Variants in GRIA1 observed in about 807,000 individuals in gnomAD.
The protein encoded by GRIA1 is glutamate receptor 1.
Under a neutral mutation model 99.2 loss-of-function variants are expected in GRIA1, and 31 were observed. That is an observed-to-expected ratio of 0.31 (90% CI 0.23 to 0.42). The LOEUF is 0.42. Ranked by LOEUF, GRIA1 falls within the 10% of genes least tolerant of loss-of-function variation. The pLI, the probability that GRIA1 is intolerant of heterozygous loss-of-function variation, is 1.00. For missense variants in GRIA1, 782 were observed against 1,157.5 expected, an observed-to-expected ratio of 0.68 and a Z score of 4.71; for synonymous variants, 438 against 432.4, an observed-to-expected ratio of 1.01 and a Z score of -0.16.
intron 2 of GRIA1, among the ~76,000 whole-genome samples, chr5:153,603,512 C>T (rs1230536563): frequency 6.7e-6 from 1 of 149,784 alleles, no homozygotes; most frequent in Non-Finnish European, 1.5e-5. Flanking sequence ...TGCCCTAAAA[C>T]TTAAAGTATA....
chr5:153,541,553 G>A (rs954417703), intron 2 of GRIA1, among the ~76,000 whole-genome samples: 7 of 152,144 alleles, frequency 4.6e-5, no homozygotes, highest in South Asian at 2.1e-4. Flanking sequence ...AATTCCCTCA[G>A]TATACCTAGC....
At chr5:153,606,033 G>T (rs1765407490) in intron 2 of GRIA1, among the ~76,000 whole-genome samples, 1 of 152,006 alleles carries the variant, frequency 6.6e-6, no homozygotes, top group Admixed American at 6.6e-5. Context: ...CTGAGATCAG[G>T]AATATATTCT....
rs188372346 is a variant in GRIA1, at chr5:153,800,791, A to T, written c.2386-1565A>T. Among the ~76,000 whole-genome samples, 680 of 152,364 alleles carry T rather than the reference A, an allele frequency of 4.5e-3. 1 individual carries two copies. Among genetic ancestry groups the T allele is most frequent in the South Asian group, 0.011 (54 of 4,834 alleles). ...GCAGAGGCCACTGACTTATTGGTCA[A>T]TAAGCGATTCCTTTCCATATGCCCC... On this transcript the variant is annotated intron_variant, in intron 14 of 15. Coordinates refer to ENST00000285900, the MANE Select transcript of GRIA1 (RefSeq NM_000827.4).
chr5:153,622,799 A>C (rs1347341615), intron 2 of GRIA1, among the ~76,000 whole-genome samples: 1 of 152,210 alleles, frequency 6.6e-6, no homozygotes, highest in Non-Finnish European at 1.5e-5. Flanking sequence ...ACAGTGAACA[A>C]GAAAAAAATC....
chr5:153,659,379 C>G (rs1323232104), intron 5 of GRIA1, among the ~76,000 whole-genome samples: 3 of 152,132 alleles, frequency 2.0e-5, no homozygotes, highest in Admixed American at 2.0e-4. Flanking sequence ...AATTGGAAAG[C>G]TATGCCACTA....
chr5:153,654,479 G>T (rs1438517072), intron 4 of GRIA1, among the ~76,000 whole-genome samples: 1 of 152,014 alleles, frequency 6.6e-6, no homozygotes, highest in Non-Finnish European at 1.5e-5. Flanking sequence ...TTGTTGAAAA[G>T]GCAGCAAACC....
intron 14 of GRIA1, among the ~76,000 whole-genome samples, chr5:153,795,768 C>T (rs1561867291): frequency 6.6e-6 from 1 of 152,116 alleles, no homozygotes; most frequent in African/African-American, 2.4e-5. Flanking sequence ...CCAGTGTTTC[C>T]CAACCCCATG....
chr5:153,695,544 A>G (rs4530817), intron 8 of GRIA1, among the ~76,000 whole-genome samples: 55,626 of 152,064 alleles, frequency 0.37, 10,725 homozygotes, highest in South Asian at 0.45. Flanking sequence ...TTGCAAAAGC[A>G]AGGGAACTGA....
intron 8 of GRIA1, among the ~76,000 whole-genome samples, chr5:153,693,614 A>C (rs1757910826): frequency 2.0e-5 from 3 of 152,218 alleles, no homozygotes; most frequent in Non-Finnish European, 4.4e-5. Context: ...TCTGTCATCT[A>C]GATTCATTTT....
intron 2 of GRIA1, among the ~76,000 whole-genome samples, chr5:153,597,882 T>A (rs1764562404): frequency 6.6e-6 from 1 of 150,668 alleles, no homozygotes; most frequent in African/African-American, 2.4e-5. Flanking sequence ...TGCTGTGGCA[T>A]GTACCTGTAG....
intron 2 of GRIA1, among the ~76,000 whole-genome samples, chr5:153,554,554 C>T (rs1478050052): frequency 3.3e-5 from 5 of 152,246 alleles, no homozygotes; most frequent in African/African-American, 1.2e-4. Flanking sequence ...AATGCAGTGG[C>T]GTGATCTTGG....
At chr5:153,686,075 C>G in intron 7 of GRIA1, 150 bp from the exon 8 acceptor site, 1 of 650,550 alleles carries the variant, frequency 1.5e-6, no homozygotes. Context: ...TTGCCTGTGG[C>G]AAGGGAGTGA....
At chr5:153,601,683 T>C (rs982143651) in intron 2 of GRIA1, among the ~76,000 whole-genome samples, 4 of 152,242 alleles carry the variant, frequency 2.6e-5, no homozygotes, top group African/African-American at 9.6e-5. Flanking sequence ...GAGCCTGAAA[T>C]GTGAGATGGG....
chr5:153,736,387 C>T (rs1159867608), intron 11 of GRIA1, among the ~76,000 whole-genome samples: 1 of 152,156 alleles, frequency 6.6e-6, no homozygotes. Flanking sequence ...AGAGAAGAAG[C>T]ATTAACCAAC....
At chr5:153,763,689 GT>G (rs1223225089) in intron 11 of GRIA1, among the ~76,000 whole-genome samples, 1 of 152,196 alleles carries the variant, frequency 6.6e-6, no homozygotes, top group Non-Finnish European at 1.5e-5. Flanking sequence ...CTCTCGGCTG[GT>G]TATGTTTCTC....
intron 5 of GRIA1, among the ~76,000 whole-genome samples, chr5:153,664,092 C>G (rs1212542958): frequency 6.6e-6 from 1 of 152,216 alleles, no homozygotes; most frequent in Non-Finnish European, 1.5e-5. Context: ...AGCTATGTAA[C>G]TAGAAGAGTC....
At chr5:153,702,817 C>T (rs1335566203) in intron 10 of GRIA1, among the ~76,000 whole-genome samples, 1 of 152,236 alleles carries the variant, frequency 6.6e-6, no homozygotes, top group Non-Finnish European at 1.5e-5. Flanking sequence ...TGACTGCTCA[C>T]ATTTCACAGT....
At chr5:153,700,276 T>C (rs181281133) in intron 10 of GRIA1, among the ~76,000 whole-genome samples, 2 of 152,250 alleles carry the variant, frequency 1.3e-5, no homozygotes, top group Non-Finnish European at 2.9e-5. Context: ...TCCCAGCTCC[T>C]TGGGAGGCTG....
intron 3 of GRIA1, among the ~76,000 whole-genome samples, chr5:153,650,007 T>C (rs921057006): frequency 6.6e-6 from 1 of 152,208 alleles, no homozygotes; most frequent in Non-Finnish European, 1.5e-5. Flanking sequence ...AATGACATTA[T>C]GAGGTGAGCA....
Sources: allele counts gnomAD v4.1 joint callset (sites outside exome capture counted in the v4.1 genomes callset), GRCh38; gene constraint gnomAD v4.1.1; transcripts MANE v1.5; gene names NCBI Gene and HGNC (gene_info 2026-07-23, HGNC 2026-07-21).